BPI: variants seen among roughly 807,000 people sequenced by gnomAD.
BPI encodes bactericidal permeability-increasing protein.
A neutral mutation model predicts 57.6 loss-of-function variants in BPI; 48 were observed. The observed-to-expected ratio is 0.83, with a 90% CI of 0.66 to 1.06. The LOEUF (loss-of-function observed/expected upper bound fraction) is 1.06. Ranked by LOEUF, BPI falls within the 50% of genes least tolerant of loss-of-function variation. The pLI is 0.00. For synonymous variants in BPI, 237 were observed against 238.2 expected (o/e 0.99, Z 0.05); for missense variants, 651 against 609.7 (o/e 1.07, Z -0.71).
At chr20:38,335,718 G>A in intron 14 of BPI, 44 bp downstream of exon 14, 1 of 1,579,152 alleles carries the variant, frequency 6.3e-7, no homozygotes, top group Non-Finnish European at 8.7e-7. Flanking sequence ...TAACGATAGT[G>A]ACCAACAGCA....
At chr20:38,335,083 C>G (rs189956994) in intron 13 of BPI, among the ~76,000 whole-genome samples, 6 of 152,196 alleles carry the variant, frequency 3.9e-5, no homozygotes, top group Admixed American at 3.9e-4. Context: ...ATACATCAGT[C>G]CTGGGATCTG....
At chr20:38,305,474 A>G (rs1341035340) in intron 1 of BPI, among the ~76,000 whole-genome samples, 3 of 152,124 alleles carry the variant, frequency 2.0e-5, no homozygotes, top group Non-Finnish European at 4.4e-5. Context: ...ATGGCTCCCT[A>G]CTGCCTTCAG....
At chr20:38,320,360 A>C in intron 7 of BPI, 86 bp downstream of exon 7, 2 of 1,219,436 alleles carry the variant, frequency 1.6e-6, no homozygotes, top group Non-Finnish European at 2.3e-6. Context: ...CAAACTTAAC[A>C]ATGTCCCCTA....
chr20:38,316,794 T>G (rs1252544187), intron 5 of BPI, among the ~76,000 whole-genome samples: 1 of 152,182 alleles, frequency 6.6e-6, no homozygotes, highest in Non-Finnish European at 1.5e-5. Context: ...GGGTCCTAAC[T>G]GCTTGGCACT....
chr20:38,317,080 C>G (rs575568956), intron 5 of BPI, among the ~76,000 whole-genome samples: 5 of 152,116 alleles, frequency 3.3e-5, no homozygotes, highest in Non-Finnish European at 5.9e-5. Flanking sequence ...ACACCAGGAG[C>G]TACCCAGTAG....
intron 5 of BPI, chr20:38,318,086 C>A: frequency 4.3e-6 from 4 of 940,026 alleles, no homozygotes; most frequent in Non-Finnish European, 3.8e-6. Context: ...CAAAATCAAA[C>A]AGAAACAAAA....
chr20:38,323,873 G>A lies in BPI; in HGVS notation c.760G>A (p.Glu254Lys). ...AETLDVQMKG[E>K]FYSENHHNPP... ...ACTCTGTTGCCTCTACCCCCAGGGG[G>A]AGTTTTACAGTGAGAACCACCACAA... The change falls in exon 8 of 15, where the codon GAG becomes AAG. Residue 254 changes from glutamate to lysine, a missense_variant. Coordinates refer to ENST00000642449, the MANE Select transcript of BPI (RefSeq NM_001725.3). 1 of 1,613,824 alleles carries A rather than the reference G, an allele frequency of 6.2e-7. No homozygotes were observed. The highest frequency in any genetic ancestry group is 1.7e-4 in the Middle Eastern group (1 of 6,058).
chr20:38,323,751 A>G (rs1040509939), intron 7 of BPI, 119 bp from the exon 8 acceptor site: 3 of 1,166,456 alleles, frequency 2.6e-6, no homozygotes, highest in Admixed American at 5.3e-5. Context: ...GTTTCTGGTC[A>G]TTGCTTTTTC....
chr20:38,315,839 T>C (rs372981195), intron 5 of BPI, among the ~76,000 whole-genome samples: 7 of 150,082 alleles, frequency 4.7e-5, no homozygotes, highest in South Asian at 2.1e-4. Flanking sequence ...TCTTTTCTTT[T>C]TTTTTTTTTT....
chr20:38,326,446 G>A lies in BPI; in HGVS notation c.1161+14G>A, dbSNP rs5743525. Reference sequence around the variant, plus strand: ...CTGATTGGCATGGTAAGCAGTTCCTGGGTTGGACAGATGAGGAGCCCCAGA... The same window carrying A: ...CTGATTGGCATGGTAAGCAGTTCCTAGGTTGGACAGATGAGGAGCCCCAGA... On this transcript the variant is annotated intron_variant, in intron 10 of 14. Coordinates refer to ENST00000642449, the MANE Select transcript of BPI (RefSeq NM_001725.3). The A allele has an allele frequency of 2.5e-6, 4 of 1,608,884 alleles. No individual in the cohort carries two copies. In the East Asian group the frequency reaches 6.7e-5, roughly 27 times the overall value.
Position 38,324,032 on chromosome 20 carries a change from C to G in BPI, c.919C>G (p.Leu307Val), listed in dbSNP as rs1200428186. ...YQEAGVLKMTLRDDMIPKESK... is the reference protein window; with the variant it reads ...YQEAGVLKMTVRDDMIPKESK... ...AGAGGCTGGGGTCTTGAAGATGACC[C>G]TTAGAGATGACATGGTAAGGCCGGG... is the stretch of plus-strand genomic sequence containing the variant. The change falls in exon 8 of 15, where the codon CTT becomes GTT. Residue 307 changes from leucine (L) to valine (V), a missense_variant. By Grantham distance (32) the Leu-to-Val change is conservative (BLOSUM62 1). Transcript: ENST00000642449. The G allele has an allele frequency of 5.6e-6, 9 of 1,613,798 alleles. No homozygotes were observed. Among genetic ancestry groups the G allele is most frequent in the Non-Finnish European group, 6.8e-6 (8 of 1,180,024 alleles).
At chr20:38,328,263 C>T (rs1319359953) in intron 11 of BPI, among the ~76,000 whole-genome samples, 2 of 152,164 alleles carry the variant, frequency 1.3e-5, no homozygotes, top group African/African-American at 4.8e-5. Flanking sequence ...GTCAAATAAG[C>T]CCAGTAAGGC....
intron 10 of BPI, among the ~76,000 whole-genome samples, chr20:38,327,361 A>G (rs1311547726): frequency 2.0e-5 from 3 of 152,076 alleles, no homozygotes; most frequent in Non-Finnish European, 4.4e-5. Flanking sequence ...TGGCCCAAGA[A>G]CTCTGAAATG....
intron 13 of BPI, 30 bp from the exon 14 acceptor site, chr20:38,335,568 C>A (rs762396995): frequency 1.2e-6 from 2 of 1,600,538 alleles, no homozygotes; most frequent in Non-Finnish European, 1.7e-6. Context: ...TTTCTTTTCT[C>A]CTGGTCCTCA....
rs1265045433 is a variant in BPI at position 38,332,538 on chromosome 20, G to T, written c.1272+1448G>T. On this transcript the variant is annotated intron_variant, in intron 12 of 14. Coordinates refer to ENST00000642449, the MANE Select transcript of BPI (RefSeq NM_001725.3). ...CCAGCACCATACTAGGCACAGTGGG[G>T]TATAACATGTGGTCAATGTCTGGCA... Among the ~76,000 whole-genome samples, 5 of 152,182 alleles carry T rather than the reference G, an allele frequency of 3.3e-5. No homozygotes were observed. The East Asian group carries it at 9.6e-4, about 29-fold the overall frequency.
chr20:38,325,935 G>A (rs1293234630), intron 9 of BPI, among the ~76,000 whole-genome samples: 1 of 152,176 alleles, frequency 6.6e-6, no homozygotes, highest in African/African-American at 2.4e-5. Context: ...GCAGAGACCT[G>A]AAGGAAGGGA....
At chr20:38,312,014 A>T (rs2076624525) in intron 5 of BPI, 77 bp downstream of exon 5, 1 of 1,440,324 alleles carries the variant, frequency 6.9e-7, no homozygotes, top group Non-Finnish European at 9.7e-7. Flanking sequence ...CCTTCTACGG[A>T]CACTCTGCTG....
intron 7 of BPI, among the ~76,000 whole-genome samples, chr20:38,322,126 C>T (rs1308834569): frequency 2.6e-5 from 4 of 152,178 alleles, no homozygotes; most frequent in Non-Finnish European, 4.4e-5. Flanking sequence ...GGATTTTCAG[C>T]GGACAGCTTG....
At chr20:38,327,997 A>T (rs1243537443) in intron 11 of BPI, among the ~76,000 whole-genome samples, 1 of 152,160 alleles carries the variant, frequency 6.6e-6, no homozygotes, top group Non-Finnish European at 1.5e-5. Flanking sequence ...CCACTGAACC[A>T]CAACAGCATG....
Sources: allele counts gnomAD v4.1 joint callset (sites outside exome capture counted in the v4.1 genomes callset), GRCh38; gene constraint gnomAD v4.1.1; transcripts MANE v1.5; gene names NCBI Gene and HGNC (gene_info 2026-07-23, HGNC 2026-07-21).